DYNLT2: variants seen among roughly 807,000 people sequenced by gnomAD.
The protein encoded by DYNLT2 is dynein light chain Tctex-type protein 2.
In DYNLT2, 24 loss-of-function variants were observed where a neutral mutation model predicts 24.3. The ratio of observed to expected loss-of-function variants is 0.99; its 90% CI spans 0.71 to 1.39. DYNLT2 has a LOEUF of 1.39. DYNLT2 is among the 40% of genes most tolerant of loss of function. The probability of loss-of-function intolerance (pLI) is 0.00; values close to 1 mark genes in which losing one functional copy is unlikely to be tolerated. For missense variants in DYNLT2, 246 were observed against 234.5 expected (o/e 1.05, Z -0.32); for synonymous variants, 85 against 85.4 (o/e 1.00, Z 0.03).
chr6:169,750,995 A>G (rs1026562413), intron 1 of DYNLT2: 1 of 202,266 alleles, frequency 4.9e-6, no homozygotes, highest in Non-Finnish European at 1.0e-5. Context: ...ATACACTAAC[A>G]TACTGTGTTT....
chr6:169,743,255 G>A lies in DYNLT2; in HGVS notation c.328-17C>T, dbSNP rs1248511249. 1 of 1,412,380 alleles carries A rather than the reference G, an allele frequency of 7.1e-7. No homozygotes were observed. The highest frequency in any genetic ancestry group is 2.4e-5 in the Admixed American group (1 of 41,636). The allele number at this position is 1,412,380 out of a possible 1,614,324, so 87.5% of individuals were successfully genotyped here. A position where few individuals can be genotyped will look rare whatever the true frequency, so the allele number is the denominator to read the frequency against. ...AAGACTTTCCTTTAAGAAAATTTAA[G>A]AAAAATACTTTTATTTTCAAACCAA... On this transcript the variant is annotated splice_polypyrimidine_tract_variant and intron_variant, in intron 2 of 3. Transcript: ENST00000366774.
chr6:169,741,680 A>T (rs567477378), intron 3 of DYNLT2, among the ~76,000 whole-genome samples: 54 of 152,136 alleles, frequency 3.5e-4, no homozygotes, highest in Admixed American at 1.2e-3. Flanking sequence ...CTGCCTCAGG[A>T]TCTTTGCACT....
Position 169,743,209 on chromosome 6 carries a change from A to G in DYNLT2, c.357T>C (p.Asp119=), listed in dbSNP as rs1431593871. 1.3e-6 allele frequency: 2 copies of G among 1,564,654 alleles called. No individual in the cohort carries two copies. Among genetic ancestry groups the G allele is most frequent in the Non-Finnish European group, 1.7e-6 (2 of 1,148,912 alleles). The change falls in exon 3 of 4, where the codon GAT becomes GAC. Residue 119 remains aspartate, a synonymous_variant. Transcript: ENST00000366774. ...TESLKDVKYD[D]KVFSHLSLEL... is the part of the protein sequence containing the mutation. ...CAAGTGACAAGTGAGAGAATACTTTATCATCATATTTGACATCTTTAAGAC... is the reference window on the plus strand; with the variant it reads ...CAAGTGACAAGTGAGAGAATACTTTGTCATCATATTTGACATCTTTAAGAC...
intron 3 of DYNLT2, among the ~76,000 whole-genome samples, chr6:169,742,667 C>T (rs544602790): frequency 6.6e-6 from 1 of 152,118 alleles, no homozygotes; most frequent in African/African-American, 2.4e-5. Context: ...GGAGCGAACT[C>T]GGGCCACTGC....
chr6:169,745,570 T>A (rs887589130), intron 1 of DYNLT2, among the ~76,000 whole-genome samples: 2 of 152,220 alleles, frequency 1.3e-5, no homozygotes, highest in Non-Finnish European at 2.9e-5. Flanking sequence ...TGTGGTGTAT[T>A]ACCTTGATCG....
At chr6:169,740,419 T>A in intron 3 of DYNLT2, 124 bp from the exon 4 acceptor site, 1 of 633,836 alleles carries the variant, frequency 1.6e-6, no homozygotes, top group East Asian at 2.8e-5. Context: ...TAAGATGTAA[T>A]TTGTCTGGTT....
intron 3 of DYNLT2, among the ~76,000 whole-genome samples, chr6:169,741,611 C>T (rs915578788): frequency 1.3e-5 from 2 of 152,194 alleles, no homozygotes; most frequent in Admixed American, 6.5e-5. Flanking sequence ...CATCATGCCA[C>T]TATCTACTAG....
At chr6:169,742,192 T>A (rs551921487) in intron 3 of DYNLT2, among the ~76,000 whole-genome samples, 1 of 152,360 alleles carries the variant, frequency 6.6e-6, no homozygotes, top group Admixed American at 6.5e-5. Context: ...CTGGTGATTA[T>A]GTTAAGGATT....
chr6:169,726,010 C>T, the DYNLT2 span, among the ~76,000 whole-genome samples: 2 of 152,214 alleles, frequency 1.3e-5, no homozygotes, highest in Non-Finnish European at 2.9e-5. Flanking sequence ...CTTCCTTTAC[C>T]TCCCTGAATA....
intron 1 of DYNLT2, among the ~76,000 whole-genome samples, chr6:169,745,576 G>A (rs537087234): frequency 6.6e-6 from 1 of 152,202 alleles, no homozygotes; most frequent in East Asian, 1.9e-4. Context: ...GTATTACCTT[G>A]ATCGATTTTC....
chr6:169,738,409 C>A (rs1351119074), downstream of DYNLT2, among the ~76,000 whole-genome samples: 1 of 152,178 alleles, frequency 6.6e-6, no homozygotes, highest in Admixed American at 6.5e-5. Context: ...TGATGCTAGC[C>A]CCAGTGGCGT....
chr6:169,729,612 A>G, the DYNLT2 span, among the ~76,000 whole-genome samples: 33 of 152,308 alleles, frequency 2.2e-4, no homozygotes, highest in Middle Eastern at 3.4e-3. Flanking sequence ...TTTGTGCCTT[A>G]CCTGCAAATT....
At chr6:169,743,804 T>G (rs115598260) in intron 2 of DYNLT2, among the ~76,000 whole-genome samples, 84 of 152,298 alleles carry the variant, frequency 5.5e-4, no homozygotes, top group African/African-American at 2.0e-3. Flanking sequence ...AATAAATTAA[T>G]GTATAGCTTG....
the DYNLT2 span, among the ~76,000 whole-genome samples, chr6:169,727,664 C>T: frequency 3.9e-5 from 6 of 151,960 alleles, no homozygotes; most frequent in East Asian, 3.9e-4. Flanking sequence ...CCTGGGTTCA[C>T]GCCATTCTCC....
rs1210358795 is a variant in DYNLT2 at position 169,743,073 on chromosome 6, T to TA, written c.486+6dup. Reference sequence around the variant, plus strand: ...ATTGCTAGATCCTGTATCAATGGGGTACTTACATTTATTGCTTGGCCAGTC... The same window carrying TA: ...ATTGCTAGATCCTGTATCAATGGGGTAACTTACATTTATTGCTTGGCCAGTC... On this transcript the variant is annotated splice_region_variant and intron_variant, in intron 3 of 3. Coordinates refer to ENST00000366774, the MANE Select transcript of DYNLT2 (RefSeq NM_174910.3). The TA allele has an allele frequency of 6.5e-7, 1 of 1,533,660 alleles. No homozygotes were observed. Among genetic ancestry groups the TA allele is most frequent in the East Asian group, 2.3e-5 (1 of 43,270 alleles).
chr6:169,751,568 G>C lies in DYNLT2; in HGVS notation c.-110C>G. On this transcript the variant is annotated 5_prime_UTR_variant, in exon 1 of 4. Transcript: ENST00000366774. ...CTCCCACCTGCGCCTCGTACGGTAG[G>C]AAGTGCCCGCCAGGGCTCCAAAGCG... 6 of 1,608,718 alleles carry C rather than the reference G, an allele frequency of 3.7e-6. No individual in the cohort carries two copies. The highest frequency in any genetic ancestry group is 5.1e-6 in the Non-Finnish European group (6 of 1,177,902).
chr6:169,743,177 G>A lies in DYNLT2; in HGVS notation c.389C>T (p.Ala130Val), dbSNP rs1249767705. 2 of 1,570,912 alleles carry A rather than the reference G, an allele frequency of 1.3e-6. No homozygotes were observed. The highest frequency in any genetic ancestry group is 8.7e-7 in the Non-Finnish European group (1 of 1,151,858). Residue 130 changes from alanine to valine, a missense_variant, in exon 3 of 4, where the codon GCA becomes GTA. Transcript: ENST00000366774. ...KVFSHLSLELADRILLAVKEF... is the reference protein window; with the variant it reads ...KVFSHLSLELVDRILLAVKEF... ...TTTGACTGCTAACAGTATGCGGTCT[G>A]CCAATTCAAGTGACAAGTGAGAGAA...
the DYNLT2 span, among the ~76,000 whole-genome samples, chr6:169,732,151 G>C: frequency 6.6e-6 from 1 of 152,008 alleles, no homozygotes; most frequent in African/African-American, 2.4e-5. Context: ...CAACTATCAT[G>C]TATATTCTCT....
downstream of DYNLT2, chr6:169,738,945 C>G (rs1789616742): frequency 6.6e-6 from 1 of 152,246 alleles, no homozygotes; most frequent in East Asian, 1.9e-4. Flanking sequence ...CTCCTTAACT[C>G]TCATAAGTGG....
Sources: allele counts gnomAD v4.1 joint callset (sites outside exome capture counted in the v4.1 genomes callset), GRCh38; gene constraint gnomAD v4.1.1; transcripts MANE v1.5; gene names NCBI Gene and HGNC (gene_info 2026-07-23, HGNC 2026-07-21).